The following SIMC1 variants were observed in gnomAD, a reference collection of about 807,000 sequenced individuals.
SIMC1 encodes SUMO interacting motifs containing 1.
Under a neutral mutation model 82.3 loss-of-function variants are expected in SIMC1, and 55 were observed. The observed-to-expected ratio is 0.67, with a 90% confidence interval of 0.54 to 0.84. SIMC1 has a LOEUF of 0.84. SIMC1 is among the 40% of genes least tolerant of loss of function. SIMC1 has a pLI of 0.00. For missense variants in SIMC1, 915 were observed against 1,107.2 expected (o/e 0.83, Z 2.46); for synonymous variants, 353 against 426.3 (o/e 0.83, Z 2.12).
At chr5:176,277,394 A>G (rs71599478) in intron 1 of SIMC1, among the ~76,000 whole-genome samples, 18,200 of 151,590 alleles carry the variant, frequency 0.12, 1,155 homozygotes, top group Admixed American at 0.15. Context: ...CCCATTTTGT[A>G]GGTTGCCTGT....
chr5:176,279,803 C>T (rs1046867888), intron 1 of SIMC1, among the ~76,000 whole-genome samples: 7 of 151,868 alleles, frequency 4.6e-5, no homozygotes, highest in African/African-American at 7.3e-5. Context: ...ATTCTTAATC[C>T]TGAGTTCTAG....
At position 176,336,847 on chromosome 5, in the gene SIMC1, A is replaced by T. The variant is rs1442420307; in HGVS notation, c.2299A>T (p.Asn767Tyr). 1 of 1,613,978 alleles carries T rather than the reference A, an allele frequency of 6.2e-7. No homozygotes were observed. Among genetic ancestry groups the T allele is most frequent in the South Asian group, 1.1e-5 (1 of 91,078 alleles). Residue 767 changes from asparagine (N) to tyrosine (Y), a missense_variant, in exon 8 of 10, where the codon AAT becomes TAT. By Grantham distance (143) the Asn-to-Tyr change is moderately radical. Coordinates refer to ENST00000429602, the MANE Select transcript of SIMC1 (RefSeq NM_001308195.2). ...LSLAQALYFL[N>Y]NSTSLLKCQS... ...TCTGGCCCAGGCCCTCTACTTTCTG[A>T]ATAATTCTACGTCACTGCTCAAGTG...
intron 7 of SIMC1, among the ~76,000 whole-genome samples, chr5:176,331,446 G>T (rs2113394467): frequency 6.6e-6 from 1 of 150,624 alleles, no homozygotes; most frequent in Non-Finnish European, 1.5e-5. Context: ...CTTCTGAGTA[G>T]CTGGGATTAC....
chr5:176,264,052 A>G (rs1762108116), intron 1 of SIMC1, among the ~76,000 whole-genome samples: 1 of 152,204 alleles, frequency 6.6e-6, no homozygotes, highest in African/African-American at 2.4e-5. Context: ...CCTTAACTCC[A>G]TGTCCTGCAT....
At chr5:176,252,172 C>A (rs568177531) in intron 1 of SIMC1, among the ~76,000 whole-genome samples, 89 of 147,330 alleles carry the variant, frequency 6.0e-4, no homozygotes, top group African/African-American at 2.2e-3. Context: ...GCAGAGGCGC[C>A]CCTCACCTCC....
In SIMC1 at chr5:176,304,468, T is replaced by C. The variant is rs866592937; in HGVS notation, c.1734+8148T>C. 166 of 172,744 alleles carry C rather than the reference T, an allele frequency of 9.6e-4. No individual in the cohort carries two copies. The East Asian group carries it at 0.023, about 24-fold the overall frequency. The allele number at this position is 172,744 out of a possible 1,614,324, so 10.7% of individuals were successfully genotyped here. ...CCTCCCGAGGTGCCGGGATTGCAGATGGAGTCTCGTTCACTCAGTGCTCAA... is the reference window on the plus strand; with the variant it reads ...CCTCCCGAGGTGCCGGGATTGCAGACGGAGTCTCGTTCACTCAGTGCTCAA... On this transcript the variant is annotated intron_variant, in intron 4 of 9. Transcript: ENST00000429602.
At chr5:176,269,272 A>G (rs1029468034) in intron 1 of SIMC1, among the ~76,000 whole-genome samples, 8 of 152,318 alleles carry the variant, frequency 5.3e-5, no homozygotes, top group African/African-American at 1.9e-4. Context: ...AAGTTGATAA[A>G]TATCTAGCTA....
At chr5:176,271,876 A>G (rs1172226043) in intron 1 of SIMC1, among the ~76,000 whole-genome samples, 1 of 142,508 alleles carries the variant, frequency 7.0e-6, no homozygotes, top group African/African-American at 2.7e-5. Context: ...TATAATATAT[A>G]ATTATTATAT....
chr5:176,284,372 C>T (rs1298381419), intron 1 of SIMC1, among the ~76,000 whole-genome samples: 1 of 152,216 alleles, frequency 6.6e-6, no homozygotes, highest in Non-Finnish European at 1.5e-5. Flanking sequence ...AAGAAACTCA[C>T]TCAAAACCGC....
rs1196176282 is a variant in SIMC1 at position 176,290,016 on chromosome 5, C to G, written c.492C>G (p.Ala164=). The change falls in exon 2 of 10, where the codon GCC becomes GCG. Residue 164 remains alanine, a synonymous_variant. Transcript: ENST00000429602. ...CAACAGAGCCTAATTGTAGCTCAGC[C>G]ACATTCACAGGTAACCTCAGCTTCT... ...VYPTEPNCSS[A]TFTGNLSFLA... 1.9e-6 allele frequency: 3 copies of G among 1,613,696 alleles called. No individual in the cohort carries two copies. The highest frequency in any genetic ancestry group is 2.7e-5 in the African/African-American group (2 of 74,882).
intron 7 of SIMC1, among the ~76,000 whole-genome samples, chr5:176,329,785 A>G (rs1329379159): frequency 6.6e-6 from 1 of 152,192 alleles, no homozygotes; most frequent in Non-Finnish European, 1.5e-5. Context: ...ATATATTGTG[A>G]ATACTGAGTG....
chr5:176,261,731 G>A (rs1762021978), intron 1 of SIMC1, among the ~76,000 whole-genome samples: 1 of 150,128 alleles, frequency 6.7e-6, no homozygotes, highest in Non-Finnish European at 1.5e-5. Flanking sequence ...CTGGGTGACA[G>A]AGCAAGACTC....
At chr5:176,297,636 T>G (rs1763879216) in intron 4 of SIMC1, among the ~76,000 whole-genome samples, 1 of 152,024 alleles carries the variant, frequency 6.6e-6, no homozygotes, top group African/African-American at 2.4e-5. Flanking sequence ...TTTAATTTAA[T>G]GGATCCCCAA....
At chr5:176,250,763 A>G (rs1440291189) in intron 1 of SIMC1, among the ~76,000 whole-genome samples, 3 of 152,112 alleles carry the variant, frequency 2.0e-5, no homozygotes, top group African/African-American at 4.8e-5. Flanking sequence ...AGTCTGTTTT[A>G]TCAGAGACTA....
intron 1 of SIMC1, among the ~76,000 whole-genome samples, chr5:176,286,637 G>A (rs1318104611): frequency 4.6e-5 from 7 of 152,190 alleles, no homozygotes; most frequent in African/African-American, 1.4e-4. Flanking sequence ...ATTGACAAAC[G>A]GGATCTAATT....
In SIMC1 at chr5:176,308,889, T is replaced by G. The variant is rs1764540204; in HGVS notation, c.1735-4802T>G. ...TTTACCAAGAATCTGTGCAGTCAGA[T>G]GTCAGCAGTCAGCGGGCCTCTTCTA... is the stretch of plus-strand genomic sequence containing the variant. On this transcript the variant is annotated intron_variant, in intron 4 of 9. Coordinates refer to ENST00000429602, the MANE Select transcript of SIMC1 (RefSeq NM_001308195.2). 14 of 1,330,128 alleles carry G rather than the reference T, an allele frequency of 1.1e-5. 2 individuals are homozygous for G. Among genetic ancestry groups the G allele is most frequent in the Middle Eastern group, 3.6e-4 (2 of 5,508 alleles). The allele number at this position is 1,330,128 out of a possible 1,614,324, so 82.4% of individuals were successfully genotyped here. A position where few individuals can be genotyped will look rare whatever the true frequency, so the allele number is the denominator to read the frequency against.
At chr5:176,257,266 A>T (rs903058823) in intron 1 of SIMC1, among the ~76,000 whole-genome samples, 2 of 152,190 alleles carry the variant, frequency 1.3e-5, no homozygotes, top group African/African-American at 2.4e-5. Flanking sequence ...CTCTCACCTT[A>T]TGCAAAAAAT....
At chr5:176,279,299 T>A (rs1182278021) in intron 1 of SIMC1, among the ~76,000 whole-genome samples, 5 of 152,232 alleles carry the variant, frequency 3.3e-5, no homozygotes, top group African/African-American at 4.8e-5. Context: ...TCTTTGTGTT[T>A]CTGTGGGATT....
intron 7 of SIMC1, among the ~76,000 whole-genome samples, chr5:176,333,335 T>C (rs2010594972): frequency 6.6e-6 from 1 of 152,016 alleles, no homozygotes; most frequent in Non-Finnish European, 1.5e-5. Flanking sequence ...ATGATATAAA[T>C]GGAATCATTT....
Sources: allele counts gnomAD v4.1 joint callset (sites outside exome capture counted in the v4.1 genomes callset), GRCh38; gene constraint gnomAD v4.1.1; transcripts MANE v1.5; gene names NCBI Gene and HGNC (gene_info 2026-07-23, HGNC 2026-07-21).